Variants in CLUL1 observed in about 807,000 individuals in gnomAD.
CLUL1 encodes clusterin-like protein 1.
In CLUL1, 43 loss-of-function variants were observed where a neutral mutation model predicts 49.4. The ratio of observed to expected loss-of-function variants is 0.87; its 90% CI spans 0.68 to 1.12. CLUL1 has a LOEUF of 1.12. CLUL1 is among the 50% of genes most tolerant of loss of function. CLUL1 has a pLI of 0.00. For synonymous variants in CLUL1, 192 were observed against 184.9 expected, an observed-to-expected ratio of 1.04 and a Z score of -0.31; for missense variants, 486 against 544.4, an observed-to-expected ratio of 0.89 and a Z score of 1.07.
At chr18:601,632 T>G in intron 1 of CLUL1, among the ~76,000 whole-genome samples, 2 of 136,644 alleles carry the variant, frequency 1.5e-5, no homozygotes, top group South Asian at 2.5e-4. Flanking sequence ...GGCAACAGAG[T>G]GAGACTCCAT....
intron 7 of CLUL1, among the ~76,000 whole-genome samples, chr18:634,009 G>C (rs181598964): frequency 2.0e-5 from 3 of 152,330 alleles, no homozygotes; most frequent in African/African-American, 7.2e-5. Context: ...GGTTTCTTTA[G>C]TATTCTGGAC....
chr18:626,895 GAA>G (rs368547809), intron 5 of CLUL1, among the ~76,000 whole-genome samples, 200 bp from the exon 6 acceptor site: 19 of 356 alleles, frequency 0.053, 2 homozygotes, highest in Non-Finnish European at 0.2. Flanking sequence ...AAGAAAGAAA[GAA>G]AGAAAGAAAG....
intron 2 of CLUL1, among the ~76,000 whole-genome samples, chr18:615,220 A>G (rs2073253024): frequency 1.3e-5 from 2 of 152,216 alleles, no homozygotes; most frequent in Admixed American, 1.3e-4. Flanking sequence ...TAAGAACAAA[A>G]TGGCAGCTGT....
intron 2 of CLUL1, among the ~76,000 whole-genome samples, chr18:617,651 C>T (rs1051123737): frequency 1.3e-5 from 2 of 148,730 alleles, no homozygotes; most frequent in Non-Finnish European, 3.0e-5. Context: ...CTAACAGATT[C>T]GAATTAATTC....
intron 2 of CLUL1, among the ~76,000 whole-genome samples, chr18:617,335 C>T (rs958842867): frequency 6.6e-6 from 1 of 152,146 alleles, no homozygotes; most frequent in African/African-American, 2.4e-5. Flanking sequence ...TGGCTCACGC[C>T]TGTAATCCCA....
At chr18:638,030 C>T (rs890985216) in intron 7 of CLUL1, among the ~76,000 whole-genome samples, 1 of 152,038 alleles carries the variant, frequency 6.6e-6, no homozygotes, top group Non-Finnish European at 1.5e-5. Flanking sequence ...GGAGTGCTCT[C>T]TCTCCTGAAC....
rs1298365436 is a variant in CLUL1, at chr18:645,004, A to C, written c.1304A>C (p.Lys435Thr). The stretch of plus-strand genomic sequence containing the variant: ...CTGCCTTCCTCTAATTTCACACTCA[A>C]GATCCCTCTTGAAGAAAGTGCTGAG... The part of the protein sequence containing the change: ...SILPSSNFTL[K>T]IPLEESAESS... Residue 435 changes from lysine (K) to threonine (T), a missense_variant, in exon 9 of 10, where the codon AAG (lysine) becomes ACG (threonine). By Grantham distance (78) the Lys-to-Thr change is moderately conservative. Coordinates refer to ENST00000692774, the MANE Select transcript of CLUL1 (RefSeq NM_001393344.1). The C allele has an allele frequency of 1.2e-6, 2 of 1,613,892 alleles. No individual in the cohort carries two copies. Among genetic ancestry groups the C allele is most frequent in the South Asian group, 2.2e-5 (2 of 91,008 alleles).
chr18:641,804 A>G (rs771192404), intron 8 of CLUL1, among the ~76,000 whole-genome samples: 1 of 152,232 alleles, frequency 6.6e-6, no homozygotes, highest in Non-Finnish European at 1.5e-5. Context: ...TTATAGGGCT[A>G]TAACTGATAG....
At chr18:631,982 T>C (rs2074004761) in intron 6 of CLUL1, among the ~76,000 whole-genome samples, 1 of 152,232 alleles carries the variant, frequency 6.6e-6, no homozygotes, top group African/African-American at 2.4e-5. Flanking sequence ...GTGCCTTACA[T>C]GCCATTCTAT....
chr18:642,259 C>T (rs929752222), intron 8 of CLUL1, among the ~76,000 whole-genome samples: 5 of 152,006 alleles, frequency 3.3e-5, no homozygotes, highest in Non-Finnish European at 5.9e-5. Context: ...GGCGAAACCC[C>T]GTCTCTACCA....
At chr18:614,355 G>A (rs112704551) in intron 2 of CLUL1, among the ~76,000 whole-genome samples, 9,378 of 72,656 alleles carry the variant, frequency 0.13, 962 homozygotes, top group African/African-American at 0.3. Context: ...AAGGAAAGAA[G>A]GAAGGAAGGA....
At chr18:647,832 T>G (rs1234781860) in intron 9 of CLUL1, among the ~76,000 whole-genome samples, 2 of 152,160 alleles carry the variant, frequency 1.3e-5, no homozygotes, top group African/African-American at 4.8e-5. Context: ...CATGTAGCAC[T>G]CAACTCTTGT....
chr18:607,928 T>G (rs2073025579), intron 2 of CLUL1, among the ~76,000 whole-genome samples: 1 of 152,092 alleles, frequency 6.6e-6, no homozygotes, highest in African/African-American at 2.4e-5. Context: ...AGTAATTAAT[T>G]AGGATCTAGG....
At chr18:631,040 G>T (rs116565906) in intron 6 of CLUL1, among the ~76,000 whole-genome samples, 5 of 152,044 alleles carry the variant, frequency 3.3e-5, no homozygotes, top group Admixed American at 3.3e-4. Context: ...AGCAAGTTCC[G>T]TGTGGCAACC....
intron 9 of CLUL1, among the ~76,000 whole-genome samples, chr18:645,810 A>AAAAAAAAAATAT (rs1451607900): frequency 3.0e-4 from 9 of 29,860 alleles, no homozygotes; most frequent in African/African-American, 6.9e-4. Flanking sequence ...AAAAAAAAAA[A>AAAAAAAAAATAT]ATATATATAT....
rs1218799038 is a variant in CLUL1 at position 606,137 on chromosome 18, TC to T, written c.-135-836del. Among the ~76,000 whole-genome samples the T allele has an allele frequency of 6.6e-6, 1 of 152,064 alleles. No homozygotes were observed. The highest frequency in any genetic ancestry group is 1.5e-5 in the Non-Finnish European group (1 of 68,002). ...CTAAGGGTGGCAGGAAGAACACCCC[TC>T]CCCCAGATGGTATTTAGCGCCTCTG... On this transcript the variant is annotated intron_variant, in intron 1 of 9. Transcript: ENST00000692774. The surrounding 1 kb of genome is among the most constrained non-coding windows in gnomAD (Gnocchi z 4.1).
chr18:628,941 C>T (rs1377587091), intron 6 of CLUL1, among the ~76,000 whole-genome samples: 1 of 152,092 alleles, frequency 6.6e-6, no homozygotes, highest in East Asian at 1.9e-4. Context: ...CCAGCCACCA[C>T]ACCCAGCCAG....
At chr18:619,456 G>A in intron 4 of CLUL1, 95 bp downstream of exon 4, 1 of 1,193,000 alleles carries the variant, frequency 8.4e-7, no homozygotes, top group Non-Finnish European at 1.1e-6. Context: ...ATTTTCCTTA[G>A]TAATAAATTT....
intron 5 of CLUL1, among the ~76,000 whole-genome samples, chr18:626,864 T>TAGAAAGAAAGAAAGAAAGAAAGA (rs2073735753): frequency 2.4e-4 from 17 of 70,798 alleles, no homozygotes; most frequent in African/African-American, 7.9e-4. Context: ...CCATCTCAAA[T>TAGAAAGAAAGAAAGAAAGAAAGA]AAGAAAGAAA....
Sources: gnomAD v4.1 joint callset for allele counts (sites outside exome capture counted in the v4.1 genomes callset) on GRCh38, gnomAD v4.1.1 for gene constraint, Gnocchi (gnomAD v3.1) non-coding constraint, MANE v1.5 for transcripts, NCBI Gene and HGNC (gene_info 2026-07-23, HGNC 2026-07-21) for gene names.